Variants in EPHB2 observed in about 807,000 individuals in gnomAD.
The protein encoded by EPHB2 is ephrin type-B receptor 2.
A neutral mutation model predicts 96.4 loss-of-function variants in EPHB2; 18 were observed. The ratio of observed to expected loss-of-function variants is 0.19; its 90% CI spans 0.13 to 0.28. The LOEUF is 0.28. Among genes scored for constraint, EPHB2 ranks in the 10% least tolerant of loss-of-function variants. The pLI is 1.00. For synonymous variants in EPHB2, 506 were observed against 534.1 expected (o/e 0.95, Z 0.72); for missense variants, 989 against 1,355.4 (o/e 0.73, Z 4.25).
chr1:22,814,755 G>A (rs1361428040), intron 3 of EPHB2, among the ~76,000 whole-genome samples: 2 of 152,220 alleles, frequency 1.3e-5, no homozygotes, highest in Admixed American at 6.5e-5. Context: ...AGAAGCATGG[G>A]CTCCGAGCCC....
chr1:22,909,926 T>C (rs1432489250), intron 13 of EPHB2, among the ~76,000 whole-genome samples: 1 of 151,986 alleles, frequency 6.6e-6, no homozygotes, highest in African/African-American at 2.4e-5. Flanking sequence ...CTTGAGGCCA[T>C]GGTGTGGGCC....
At chr1:22,828,152 G>A (rs944106678) in intron 3 of EPHB2, among the ~76,000 whole-genome samples, 5 of 152,206 alleles carry the variant, frequency 3.3e-5, no homozygotes, top group Non-Finnish European at 5.9e-5. Context: ...AGTTCTCTCT[G>A]GGTTGAGCCA....
chr1:22,805,488 C>A (rs1008310400), intron 3 of EPHB2, among the ~76,000 whole-genome samples: 2 of 152,178 alleles, frequency 1.3e-5, no homozygotes, highest in African/African-American at 4.8e-5. Context: ...GAGCTGACCT[C>A]CCTCCCACTG....
chr1:22,767,711 CCT>C (rs1364955474), intron 1 of EPHB2, among the ~76,000 whole-genome samples: 1 of 152,168 alleles, frequency 6.6e-6, no homozygotes, highest in Non-Finnish European at 1.5e-5. Flanking sequence ...CCCTCTTCCC[CCT>C]GTGTCTTCTC....
At chr1:22,882,560 T>C in intron 6 of EPHB2, 77 bp downstream of exon 6, 1 of 1,599,354 alleles carries the variant, frequency 6.3e-7, no homozygotes, top group South Asian at 1.1e-5. Context: ...CTGGGAGTTC[T>C]GCCCCACCGC....
chr1:22,711,481 G>T (rs1314176250), intron 1 of EPHB2, among the ~76,000 whole-genome samples: 1 of 150,886 alleles, frequency 6.6e-6, no homozygotes, highest in Non-Finnish European at 1.5e-5. Flanking sequence ...GGGAGCAGAG[G>T]GAGGGAGGCA....
chr1:22,870,357 C>A (rs1330868376), intron 5 of EPHB2, among the ~76,000 whole-genome samples: 1 of 152,038 alleles, frequency 6.6e-6, no homozygotes, highest in Non-Finnish European at 1.5e-5. Context: ...GATAAGGAAA[C>A]GGGTTGGGAG....
At chr1:22,891,253 G>A (rs2148563891) in intron 6 of EPHB2, 1 of 454,158 alleles carries the variant, frequency 2.2e-6, no homozygotes, top group East Asian at 6.9e-5. Context: ...TATAAAGCCT[G>A]TAATAACATT....
chr1:22,747,345 T>C (rs1318503922), intron 1 of EPHB2, among the ~76,000 whole-genome samples: 2 of 152,234 alleles, frequency 1.3e-5, no homozygotes, highest in Non-Finnish European at 2.9e-5. Context: ...TTTACGGAGT[T>C]ATATTACTTA....
intron 3 of EPHB2, among the ~76,000 whole-genome samples, chr1:22,814,151 C>T (rs113405521): frequency 2.0e-5 from 3 of 151,856 alleles, no homozygotes; most frequent in Non-Finnish European, 4.4e-5. Flanking sequence ...GCCTGGGCAA[C>T]GAGAGCGAAA....
intron 1 of EPHB2, among the ~76,000 whole-genome samples, chr1:22,756,253 G>C (rs2148387575): frequency 6.6e-6 from 1 of 152,262 alleles, no homozygotes; most frequent in East Asian, 1.9e-4. Flanking sequence ...CATGATAAAG[G>C]GGGTGTTCGG....
At chr1:22,807,847 A>C (rs1644948483) in intron 3 of EPHB2, among the ~76,000 whole-genome samples, 1 of 152,196 alleles carries the variant, frequency 6.6e-6, no homozygotes, top group Admixed American at 6.5e-5. Context: ...AGAAAAGCAA[A>C]TTCTGGCCAG....
chr1:22,910,532 C>T lies in EPHB2; in HGVS notation c.2653C>T (p.Arg885Cys), dbSNP rs779879050. 6 of 1,614,194 alleles carry T rather than the reference C, an allele frequency of 3.7e-6. No homozygotes were observed. In the South Asian group the frequency reaches 4.4e-5, roughly 12 times the overall value. Residue 885 changes from arginine to cysteine, a missense_variant, in exon 14 of 16, where the codon CGC (arginine) becomes TGC (cysteine). By Grantham distance (180) the Arg-to-Cys change is radical (BLOSUM62 -3). Transcript: ENST00000374630. ...TGTCAACACGCTAGACAAGATGATC[C>T]GCAATCCCAACAGCCTCAAAGCCAT... ...QIVNTLDKMI[R>C]NPNSLKAMAP...
intron 3 of EPHB2, among the ~76,000 whole-genome samples, chr1:22,807,437 G>A (rs1644942525): frequency 6.6e-6 from 1 of 152,226 alleles, no homozygotes; most frequent in Admixed American, 6.5e-5. Context: ...CAAGGACATA[G>A]CAGAACCAGC....
chr1:22,813,316 A>G (rs986126277), intron 3 of EPHB2, among the ~76,000 whole-genome samples: 2 of 152,142 alleles, frequency 1.3e-5, no homozygotes, highest in South Asian at 4.1e-4. Flanking sequence ...CAGGGCTAGG[A>G]TATTTCTGGT....
chr1:22,902,460 G>A (rs138351168), intron 9 of EPHB2, among the ~76,000 whole-genome samples: 16 of 152,310 alleles, frequency 1.1e-4, no homozygotes, highest in African/African-American at 3.8e-4. Context: ...TGGGTCTAAA[G>A]ACCCCTAGAG....
chr1:22,858,347 A>G lies in EPHB2; in HGVS notation c.812-4690A>G, dbSNP rs1054789905. 6.6e-6 allele frequency among the ~76,000 whole-genome samples: 1 copy of G among 152,138 alleles called. No individual in the cohort carries two copies. Among genetic ancestry groups the G allele is most frequent in the African/African-American group, 2.4e-5 (1 of 41,428 alleles). ...ATAAATGGTGCACGAGGGAGTTTAG[A>G]CAAGATGCCGCAGGTCTGATTCATT... On this transcript the variant is annotated intron_variant, in intron 3 of 15. Coordinates refer to ENST00000374630, the MANE Select transcript of EPHB2 (RefSeq NM_017449.5). The surrounding 1 kb of genome is among the most constrained non-coding windows in gnomAD (Gnocchi z 7.7).
At position 22,906,077 on chromosome 1, in the gene EPHB2, C is replaced by T. The variant is rs1392948771; in HGVS notation, c.1856C>T (p.Ser619Phe). 1 of 1,614,180 alleles carries T rather than the reference C, an allele frequency of 6.2e-7. No homozygotes were observed. ...GAGTTTGCCAAGGAAATTGACATCTCCTGTGTCAAAATTGAGCAGGTGATC... is the reference window on the plus strand; with the variant it reads ...GAGTTTGCCAAGGAAATTGACATCTTCTGTGTCAAAATTGAGCAGGTGATC... ...VREFAKEIDI[S>F]CVKIEQVIGA... is the part of the protein sequence containing the mutation. Residue 619 changes from serine (S) to phenylalanine (F), a missense_variant, in exon 10 of 16, where the codon TCC becomes TTC. Ser to Phe is a radical substitution (Grantham distance 155, BLOSUM62 -2). Coordinates refer to ENST00000374630, the MANE Select transcript of EPHB2 (RefSeq NM_017449.5). The surrounding 1 kb of genome is among the most constrained non-coding windows in gnomAD (Gnocchi z 4.8).
intron 1 of EPHB2, among the ~76,000 whole-genome samples, chr1:22,740,724 C>A (rs1028419409): frequency 6.6e-6 from 1 of 152,180 alleles, no homozygotes; most frequent in South Asian, 2.1e-4. Context: ...CTCTGCCTGG[C>A]GGCCCTTCCC....
Sources: gnomAD v4.1 joint callset for allele counts (sites outside exome capture counted in the v4.1 genomes callset) on GRCh38, gnomAD v4.1.1 for gene constraint, Gnocchi (gnomAD v3.1) non-coding constraint, MANE v1.5 for transcripts, NCBI Gene and HGNC (gene_info 2026-07-23, HGNC 2026-07-21) for gene names.